Variants in TUBD1 observed in about 807,000 individuals in gnomAD.
TUBD1 encodes the protein tubulin delta 1, also known as tubulin delta chain.
TUBD1 carries 38 observed loss-of-function variants against 51.2 expected under a neutral mutation model. The observed-to-expected ratio is 0.74, with a 90% CI of 0.57 to 0.97. The LOEUF (loss-of-function observed/expected upper bound fraction) is 0.97. Ranked by LOEUF, TUBD1 falls within the 50% of genes least tolerant of loss-of-function variation. The pLI, the probability that TUBD1 is intolerant of heterozygous loss-of-function variation, is 0.00. For synonymous variants in TUBD1, 169 were observed against 178.2 expected (o/e 0.95, Z 0.41); for missense variants, 489 against 538.4 (o/e 0.91, Z 0.91).
At chr17:59,880,119 G>C (rs979062621) in intron 4 of TUBD1, among the ~76,000 whole-genome samples, 1 of 151,348 alleles carries the variant, frequency 6.6e-6, no homozygotes, top group Non-Finnish European at 1.5e-5. Flanking sequence ...GTGCAGTGGC[G>C]GGATATCAGC....
At chr17:59,878,986 A>G (rs1419222892) in intron 4 of TUBD1, among the ~76,000 whole-genome samples, 1 of 151,962 alleles carries the variant, frequency 6.6e-6, no homozygotes, top group East Asian at 1.9e-4. Flanking sequence ...TTATATAGAA[A>G]TTTTCAAGCT....
At chr17:59,883,726 A>T (rs2040590690) in intron 3 of TUBD1, among the ~76,000 whole-genome samples, 2 of 150,910 alleles carry the variant, frequency 1.3e-5, no homozygotes, top group East Asian at 2.0e-4. Flanking sequence ...TCTTTTTAAA[A>T]TTTTTTCGTA....
rs761920039 is a variant in TUBD1, at chr17:59,881,052, C to A, written c.379G>T (p.Val127Leu). ...CCACTGAAAGAGTCACATTTCTCCACTTCCTTCCGGATTATGTTCATTATA... is the reference window on the plus strand; with the variant it reads ...CCACTGAAAGAGTCACATTTCTCCAATTCCTTCCGGATTATGTTCATTATA... ...ESIMNIIRKE[V>L]EKCDSFSGFF... The change falls in exon 4 of 9, where the codon GTG (valine) becomes TTG (leucine). Residue 127 changes from valine (V) to leucine (L), a missense_variant. By Grantham distance (32) the Val-to-Leu change is conservative. Coordinates refer to ENST00000325752, the MANE Select transcript of TUBD1 (RefSeq NM_016261.4). 6.2e-7 allele frequency: 1 copy of A among 1,614,038 alleles called. No homozygotes were observed. Among genetic ancestry groups the A allele is most frequent in the Non-Finnish European group, 8.5e-7 (1 of 1,180,044 alleles).
At chr17:59,872,229 G>A (rs963982998) in intron 6 of TUBD1, among the ~76,000 whole-genome samples, 8 of 152,002 alleles carry the variant, frequency 5.3e-5, no homozygotes, top group African/African-American at 1.9e-4. Context: ...CTGGCTCACA[G>A]GCGTGAGCCA....
At chr17:59,881,944 G>A (rs1234581279) in intron 3 of TUBD1, among the ~76,000 whole-genome samples, 4 of 152,106 alleles carry the variant, frequency 2.6e-5, no homozygotes, top group African/African-American at 9.7e-5. Flanking sequence ...GCTAAGATTA[G>A]AGGTGTGAGC....
rs1369939143 is a variant in TUBD1, at chr17:59,860,232, G to A, written c.*90C>T. The A allele has an allele frequency of 1.1e-5, 11 of 972,134 alleles. No homozygotes were observed. Among genetic ancestry groups the A allele is most frequent in the East Asian group, 1.0e-4 (4 of 39,714 alleles). 60.2% of individuals were successfully genotyped at this position (972,134 alleles called of 1,614,324 possible). A position where few individuals can be genotyped will look rare whatever the true frequency, so the allele number is the denominator to read the frequency against. ...GGTGTTTCACCGTGTTAGCCAGGAT[G>A]GAGAACTTTGAAAACTTTACAGAGA... On this transcript the variant is annotated 3_prime_UTR_variant, in exon 9 of 9. Transcript: ENST00000325752.
chr17:59,877,506 G>T (rs890044004), intron 5 of TUBD1, among the ~76,000 whole-genome samples: 1 of 152,238 alleles, frequency 6.6e-6, no homozygotes, highest in Non-Finnish European at 1.5e-5. Flanking sequence ...CTAGGGCCGG[G>T]TGCGGTGGCT....
chr17:59,866,110 CAAAAAAAAAA>C (rs1191579900), intron 7 of TUBD1, among the ~76,000 whole-genome samples: 17 of 76,204 alleles, frequency 2.2e-4, no homozygotes, highest in East Asian at 4.3e-4. Context: ...GACCCCGTCT[CAAAAAAAAAA>C]AAAAAAAAAA....
Position 59,892,753 on chromosome 17 carries a change from C to G in TUBD1, c.-96G>C, listed in dbSNP as rs1299046921. 5.9e-6 allele frequency: 1 copy of G among 169,190 alleles called. No individual in the cohort carries two copies. The highest frequency in any genetic ancestry group is 1.3e-5 in the Non-Finnish European group (1 of 76,452). 10.5% of individuals were successfully genotyped at this position (169,190 alleles called of 1,614,324 possible). Reference sequence around the variant, plus strand: ...TCAAACTTCGGACCAACCTACTCACCATGCGCATGCTCACTTTCAAAACGA... The same window carrying G: ...TCAAACTTCGGACCAACCTACTCACGATGCGCATGCTCACTTTCAAAACGA... On this transcript the variant is annotated 5_prime_UTR_variant, in exon 1 of 9. It removes an upstream start codon present in the reference 5' UTR. Coordinates refer to ENST00000325752, the MANE Select transcript of TUBD1 (RefSeq NM_016261.4).
chr17:59,879,573 C>A (rs933963723), intron 4 of TUBD1, among the ~76,000 whole-genome samples: 6 of 150,112 alleles, frequency 4.0e-5, no homozygotes, highest in Non-Finnish European at 8.9e-5. Flanking sequence ...GTAGCTGGGA[C>A]AACAGGCAGG....
intron 6 of TUBD1, among the ~76,000 whole-genome samples, chr17:59,873,260 T>TTG (rs1568298973): frequency 0.21 from 28,873 of 140,222 alleles, 2,946 homozygotes; most frequent in East Asian, 0.39. Flanking sequence ...TGTTGTTGTT[T>TTG]TTTTTTTGAG....
intron 3 of TUBD1, 183 bp from the exon 4 acceptor site, chr17:59,881,293 C>A: frequency 1.7e-6 from 1 of 588,108 alleles, no homozygotes; most frequent in South Asian, 2.1e-5. Context: ...TATATTTAAC[C>A]CACTTATGCC....
At chr17:59,867,167 T>G (rs1436734723) in intron 6 of TUBD1, among the ~76,000 whole-genome samples, 2 of 144,190 alleles carry the variant, frequency 1.4e-5, no homozygotes, top group African/African-American at 2.6e-5. Flanking sequence ...GTATTTTAGG[T>G]TTTTTTTTTG....
chr17:59,880,738 T>C (rs1285060752), intron 4 of TUBD1, among the ~76,000 whole-genome samples, 156 bp downstream of exon 4: 1 of 151,980 alleles, frequency 6.6e-6, no homozygotes, highest in Non-Finnish European at 1.5e-5. Context: ...ATGGTCTCGA[T>C]ATCCTGACCT....
intron 2 of TUBD1, among the ~76,000 whole-genome samples, chr17:59,889,967 C>CA (rs35427875): frequency 0.066 from 4,521 of 69,014 alleles, 404 homozygotes; most frequent in African/African-American, 0.21. Context: ...GAGACTCTCT[C>CA]AAAAAAAAAA....
At chr17:59,882,276 T>G (rs1305411026) in intron 3 of TUBD1, among the ~76,000 whole-genome samples, 4 of 152,034 alleles carry the variant, frequency 2.6e-5, no homozygotes, top group African/African-American at 9.7e-5. Context: ...TTTTTTATTT[T>G]TTTTGTTTTT....
intron 7 of TUBD1, among the ~76,000 whole-genome samples, chr17:59,865,957 A>T (rs1304537924): frequency 6.6e-6 from 1 of 151,860 alleles, no homozygotes; most frequent in East Asian, 2.0e-4. Flanking sequence ...CTAAAAATAC[A>T]AAAATTAGCC....
intron 5 of TUBD1, 102 bp downstream of exon 5, chr17:59,878,001 A>C: frequency 1.1e-6 from 1 of 880,724 alleles, no homozygotes; most frequent in Non-Finnish European, 1.7e-6. Flanking sequence ...GATGAGCAAG[A>C]CTTAAGTGTA....
At chr17:59,869,539 T>A (rs2039885556) in intron 6 of TUBD1, among the ~76,000 whole-genome samples, 1 of 151,662 alleles carries the variant, frequency 6.6e-6, no homozygotes, top group Admixed American at 6.6e-5. Flanking sequence ...ACATGGGAAC[T>A]CAGCAAACTG....
Sources: allele counts gnomAD v4.1 joint callset (sites outside exome capture counted in the v4.1 genomes callset), GRCh38; gene constraint gnomAD v4.1.1; transcripts MANE v1.5; gene names NCBI Gene and HGNC (gene_info 2026-07-23, HGNC 2026-07-21).